The following NOTCH3 variants were observed in gnomAD, a reference collection of about 807,000 sequenced individuals.
NOTCH3 encodes the protein notch receptor 3, also known as neurogenic locus notch homolog protein 3.
Under a neutral mutation model 213.3 loss-of-function variants are expected in NOTCH3, and 86 were observed. The observed-to-expected ratio is 0.40, with a 90% CI of 0.34 to 0.48. The LOEUF (loss-of-function observed/expected upper bound fraction) is 0.48, where lower values mean the gene tolerates loss of function less well. Among genes scored for constraint, NOTCH3 ranks in the 20% least tolerant of loss-of-function variants. The pLI, the probability that NOTCH3 is intolerant of heterozygous loss-of-function variation, is 0.57. For synonymous variants in NOTCH3, 1,354 were observed against 1,355.9 expected, an observed-to-expected ratio of 1.00 and a Z score of 0.03; for missense variants, 2,783 against 3,272.6, an observed-to-expected ratio of 0.85 and a Z score of 3.65.
intron 17 of NOTCH3, 80 bp downstream of exon 17, chr19:15,181,496 T>A: frequency 8.3e-7 from 1 of 1,210,352 alleles, no homozygotes; most frequent in Non-Finnish European, 1.2e-6. Flanking sequence ...CCCCAAGTCG[T>A]TGCTGTCCCC....
rs1387088733 is a variant in NOTCH3, at chr19:15,173,801, G to GACA, written c.4736+266_4736+267insTGT. Among the ~76,000 whole-genome samples the GACA allele has an allele frequency of 3.2e-4, 45 of 140,788 alleles. No individual in the cohort carries two copies. The East Asian group carries it at 9.1e-3, about 28-fold the overall frequency. 92.4% of individuals were successfully genotyped at this position (140,788 alleles called of 152,430 possible). A position where few individuals can be genotyped will look rare whatever the true frequency, so the allele number is the denominator to read the frequency against. On this transcript the variant is annotated intron_variant, in intron 25 of 32. Coordinates refer to ENST00000263388, the MANE Select transcript of NOTCH3 (RefSeq NM_000435.3). ...AGGAGAAGGAGAAGAAGAAGAAGAA[G>GACA]AAGAAAAAAACCCTACACATGTATT...
In NOTCH3 at chr19:15,192,190, T is replaced by G. The variant is rs2145442191; in HGVS notation, c.449A>C (p.Tyr150Ser). Residue 150 changes from tyrosine to serine, a missense_variant, in exon 4 of 33, where the codon TAC becomes TCC. Physicochemically the swap from Tyr to Ser is moderately radical, Grantham distance 144. Around this residue, in one of 6 missense-constraint regions of NOTCH3, gnomAD observed 708 missense variants for 906.6 expected, o/e 0.78. Transcript: ENST00000263388. ...GTCGCTTCGGCAGCTGCGGCCCTGGTAGCCAGGTGGGCAGGAGCAGAGGAA... is the reference window on the plus strand; with the variant it reads ...GTCGCTTCGGCAGCTGCGGCCCTGGGAGCCAGGTGGGCAGGAGCAGAGGAA... ...GRFLCSCPPG[Y>S]QGRSCRSDVD... 1 of 1,612,226 alleles carries G rather than the reference T, an allele frequency of 6.2e-7. No individual in the cohort carries two copies. Among genetic ancestry groups the G allele is most frequent in the Non-Finnish European group, 8.5e-7 (1 of 1,179,702 alleles).
At chr19:15,183,972 G>A (rs1226200719) in intron 16 of NOTCH3, among the ~76,000 whole-genome samples, 1 of 144,476 alleles carries the variant, frequency 6.9e-6, no homozygotes, top group African/African-American at 2.7e-5. Flanking sequence ...GAGCCCAGAA[G>A]GCAGAGGTTG....
At chr19:15,195,715 C>T (rs1016092033) in intron 2 of NOTCH3, among the ~76,000 whole-genome samples, 1 of 151,402 alleles carries the variant, frequency 6.6e-6, no homozygotes, top group Non-Finnish European at 1.5e-5. Context: ...GCCCCGACCG[C>T]GCGTCGGGAG....
chr19:15,172,132 G>A (rs550220700), intron 25 of NOTCH3, among the ~76,000 whole-genome samples: 88 of 152,194 alleles, frequency 5.8e-4, no homozygotes, highest in Non-Finnish European at 1.1e-3. Flanking sequence ...CCGACCTCAG[G>A]TGATCCACCC....
intron 32 of NOTCH3, among the ~76,000 whole-genome samples, chr19:15,162,085 G>T (rs1008688530): frequency 1.3e-5 from 2 of 148,678 alleles, no homozygotes; most frequent in Admixed American, 1.4e-4. Context: ...GGGTTCAAGC[G>T]ATTCTCCTGC....
In NOTCH3 at chr19:15,160,854, G is replaced by C; in HGVS notation, c.6774C>G (p.Pro2258=). The C allele has an allele frequency of 6.2e-7, 1 of 1,613,942 alleles. No homozygotes were observed. The highest frequency in any genetic ancestry group is 8.5e-7 in the Non-Finnish European group (1 of 1,179,874). Residue 2258 remains proline (P), a synonymous_variant, in exon 33 of 33, where the codon CCC becomes CCG. Coordinates refer to ENST00000263388, the MANE Select transcript of NOTCH3 (RefSeq NM_000435.3). ...SPESPEHWAS[P]SPPSLSDWSE... ...ACCAGTCTGAGAGGGAGGGAGGTGA[G>C]GGGCTGGCCCAGTGCTCAGGGGATT...
intron 2 of NOTCH3, among the ~76,000 whole-genome samples, chr19:15,196,326 A>G (rs1414511796): frequency 6.6e-6 from 1 of 152,014 alleles, no homozygotes; most frequent in Admixed American, 6.5e-5. Context: ...GGCTCCAGGT[A>G]AGGTCACACT....
rs1447319087 is a variant in NOTCH3 at position 15,191,688 on chromosome 19, C to T, written c.803-31G>A. ...GCACACAGATGCAGCAGTCCAGCCA[C>T]CTGGCGCATGTCCACCCGAGGCCTG... is the stretch of plus-strand genomic sequence containing the variant. On this transcript the variant is annotated intron_variant, in intron 5 of 32. Transcript: ENST00000263388. 4 of 1,613,504 alleles carry T rather than the reference C, an allele frequency of 2.5e-6. No homozygotes were observed. The Admixed American group carries it at 6.7e-5, about 27-fold the overall frequency.
At position 15,189,370 on chromosome 19, in the gene NOTCH3, G is replaced by A. The variant is rs1017570421; in HGVS notation, c.1095C>T (p.Ile365=). ...GGCCGTTCACCGGATTTGTGTCACA[G>A]ATAGCATCCTCGTGGCAGGGGTTGC... ...CVSNPCHEDA[I]CDTNPVNGRA... The change falls in exon 7 of 33, where the codon ATC becomes ATT. Residue 365 remains isoleucine (I), a synonymous_variant. Transcript: ENST00000263388. 3.1e-6 allele frequency: 5 copies of A among 1,613,916 alleles called. No individual in the cohort carries two copies. In the African/African-American group the frequency reaches 6.7e-5, roughly 22 times the overall value.
At chr19:15,166,606 C>T (rs1389106867) in intron 29 of NOTCH3, among the ~76,000 whole-genome samples, 1 of 152,202 alleles carries the variant, frequency 6.6e-6, no homozygotes. Flanking sequence ...TAAGTACAGG[C>T]CATTTGGAGC....
rs2046682109 is a variant in NOTCH3 at position 15,165,936 on chromosome 19, C to T, written c.5518G>A (p.Glu1840Lys). The T allele has an allele frequency of 1.2e-6, 2 of 1,614,178 alleles. No homozygotes were observed. Among genetic ancestry groups the T allele is most frequent in the Non-Finnish European group, 1.7e-6 (2 of 1,180,028 alleles). ...QLGARTDRTG[E>K]TALHLAARYA... ...CGGGCAGCCAGGTGCAAAGCAGTCT[C>T]GCCAGTACGGTCAGTCCGTGCCCCA... The change falls in exon 30 of 33, where the codon GAG becomes AAG. Residue 1840 changes from glutamate (E) to lysine (K), a missense_variant. Around this residue, in one of 6 missense-constraint regions of NOTCH3, gnomAD observed 636 missense variants for 801.8 expected, o/e 0.79. Transcript: ENST00000263388. The surrounding 1 kb of genome is among the most constrained non-coding windows in gnomAD (Gnocchi z 4.7).
intron 31 of NOTCH3, among the ~76,000 whole-genome samples, chr19:15,164,617 CCT>C (rs2046671199): frequency 6.6e-6 from 1 of 151,732 alleles, no homozygotes; most frequent in African/African-American, 2.4e-5. Context: ...TCTTCATTTG[CCT>C]CAGTCACATT....
chr19:15,176,487 G>A (rs1334506739), intron 24 of NOTCH3, among the ~76,000 whole-genome samples: 4 of 152,024 alleles, frequency 2.6e-5, no homozygotes, highest in Non-Finnish European at 4.4e-5. Context: ...TAGGCTAGAT[G>A]TGGTGGCTCA....
rs750244937 is a variant in NOTCH3 at position 15,165,907 on chromosome 19, A to G, written c.5547T>C (p.Tyr1849=). The change falls in exon 30 of 33, where the codon TAT becomes TAC. Residue 1849 remains tyrosine, a synonymous_variant. Coordinates refer to ENST00000263388, the MANE Select transcript of NOTCH3 (RefSeq NM_000435.3). This position sits in a 1 kb window ranked among gnomAD's most constrained non-coding sequence, Gnocchi z 4.7. ...GCCGCTTGGCTGCATCAGCACGGGC[A>G]TAACGGGCAGCCAGGTGCAAAGCAG... is the stretch of plus-strand genomic sequence containing the variant. The part of the protein sequence containing the change: ...GETALHLAAR[Y]ARADAAKRLL... The G allele has an allele frequency of 1.2e-6, 2 of 1,614,178 alleles. No homozygotes were observed. The highest frequency in any genetic ancestry group is 1.6e-4 in the Middle Eastern group (1 of 6,062).
chr19:15,167,263 T>C lies in NOTCH3; in HGVS notation c.5348A>G (p.Asn1783Ser). The C allele has an allele frequency of 6.2e-7, 1 of 1,613,002 alleles. No individual in the cohort carries two copies. ...CTGTCACTAACCTGGGCCACGCACA[T>C]TGACATCCATGCCATCAGCATCTGC... ...GDADADGMDV[N>S]VRGPDGFTPL... Residue 1783 changes from asparagine to serine, a missense_variant, in exon 29 of 33, where the codon AAT (asparagine) becomes AGT (serine). Transcript: ENST00000263388.
At chr19:15,162,421 C>T (rs1450180599) in intron 32 of NOTCH3, 44 bp downstream of exon 32, 1 of 1,379,372 alleles carries the variant, frequency 7.2e-7, no homozygotes, top group East Asian at 2.3e-5. Flanking sequence ...TGCAATGGCA[C>T]TGTGCCACTG....
In NOTCH3 at chr19:15,200,799, G is replaced by A. The variant is rs1311684711; in HGVS notation, c.107C>T (p.Pro36Leu). 4.7e-6 allele frequency: 6 copies of A among 1,274,326 alleles called. No individual in the cohort carries two copies. The highest frequency in any genetic ancestry group is 3.1e-5 in the Admixed American group (1 of 31,904). The allele number at this position is 1,274,326 out of a possible 1,614,324, so 78.9% of individuals were successfully genotyped here. A position where few individuals can be genotyped will look rare whatever the true frequency, so the allele number is the denominator to read the frequency against. ...ALPLLLLLAG[P>L]GAAAPPCLDG... ...TCCCGGCCCCTCACCTGCAGCCCCCGGCCCCGCTAGCAGCAGCAGCAGGGG... is the reference window on the plus strand; with the variant it reads ...TCCCGGCCCCTCACCTGCAGCCCCCAGCCCCGCTAGCAGCAGCAGCAGGGG... Residue 36 changes from proline to leucine, a missense_variant, in exon 1 of 33, where the codon CCG becomes CTG. Pro to Leu is a moderately conservative substitution (Grantham distance 98). Around this residue, in one of 6 missense-constraint regions of NOTCH3, gnomAD observed 708 missense variants for 906.6 expected, o/e 0.78. Coordinates refer to ENST00000263388, the MANE Select transcript of NOTCH3 (RefSeq NM_000435.3).
chr19:15,161,705 G>A lies in NOTCH3; in HGVS notation c.5923C>T (p.Pro1975Ser), dbSNP rs531216790. Residue 1975 changes from proline (P) to serine (S), a missense_variant, in exon 33 of 33, where the codon CCC becomes TCC. Transcript: ENST00000263388. ...CCCTCGCGGGCGGCCAGGAATAGGG[G>A]GGTCTCCTCCTGGGGGGCCAGAACC... ...KDMQDSKEET[P>S]LFLAAREGSY... 6.2e-7 allele frequency: 1 copy of A among 1,613,586 alleles called. No homozygotes were observed. The highest frequency in any genetic ancestry group is 1.7e-5 in the Admixed American group (1 of 59,992).
Sources: gnomAD v4.1 joint callset for allele counts (sites outside exome capture counted in the v4.1 genomes callset) on GRCh38, gnomAD v4.1.1 for gene constraint, gnomAD v4.1.1 regional missense constraint, Gnocchi (gnomAD v3.1) non-coding constraint, MANE v1.5 for transcripts, NCBI Gene and HGNC (gene_info 2026-07-23, HGNC 2026-07-21) for gene names.